Variants in NPNT observed in about 807,000 individuals in gnomAD.
NPNT encodes preosteoblast EGF-like repeat protein with MAM domain.
Under a neutral mutation model 68.6 loss-of-function variants are expected in NPNT, and 45 were observed. The observed-to-expected ratio is 0.66, with a 90% CI of 0.52 to 0.84. The LOEUF is 0.84. Among genes scored for constraint, NPNT ranks in the 40% least tolerant of loss-of-function variants. The pLI is 0.00. For missense variants in NPNT, 672 were observed against 714.8 expected (o/e 0.94, Z 0.68); for synonymous variants, 233 against 253.3 (o/e 0.92, Z 0.76).
intron 8 of NPNT, among the ~76,000 whole-genome samples, chr4:105,947,764 A>G (rs1190948180): frequency 1.3e-5 from 2 of 152,136 alleles, no homozygotes; most frequent in East Asian, 1.9e-4. Context: ...TCCTTTGAAC[A>G]TTCTTTATTT....
intron 3 of NPNT, among the ~76,000 whole-genome samples, chr4:105,930,821 G>A (rs1288174100): frequency 6.6e-6 from 1 of 152,190 alleles, no homozygotes; most frequent in African/African-American, 2.4e-5. Flanking sequence ...AGCTGCCTGG[G>A]AAACAGCCAG....
chr4:105,920,805 G>T (rs6856422), intron 2 of NPNT, among the ~76,000 whole-genome samples: 87,568 of 151,854 alleles, frequency 0.58, 28,769 homozygotes, highest in African/African-American at 0.9. Context: ...GACTAGACAC[G>T]TTATTTATTT....
At chr4:105,940,823 C>T (rs1261883617) in intron 7 of NPNT, among the ~76,000 whole-genome samples, 187 bp downstream of exon 7, 1 of 152,132 alleles carries the variant, frequency 6.6e-6, no homozygotes, top group African/African-American at 2.4e-5. Context: ...ACTAAGGACT[C>T]AGTAATACAC....
rs958766978 is a variant in NPNT at position 105,937,064 on chromosome 4, T to C, written c.321T>C (p.Thr107=). Reference sequence around the variant, plus strand: ...CCTGTAAGCACAGGTGCATGAACACTTACGGCAGCTACAAGTGCTACTGTC... The same window carrying C: ...CCTGTAAGCACAGGTGCATGAACACCTACGGCAGCTACAAGTGCTACTGTC... ...PRPCKHRCMN[T]YGSYKCYCLN... The change falls in exon 4 of 12, where the codon ACT becomes ACC. Residue 107 remains threonine (T), a synonymous_variant. Coordinates refer to ENST00000379987, the MANE Select transcript of NPNT (RefSeq NM_001033047.3). 1 of 1,613,732 alleles carries C rather than the reference T, an allele frequency of 6.2e-7. No homozygotes were observed. Among genetic ancestry groups the C allele is most frequent in the Non-Finnish European group, 8.5e-7 (1 of 1,179,678 alleles).
intron 10 of NPNT, among the ~76,000 whole-genome samples, chr4:105,960,637 TCACA>T (rs1196976361): frequency 6.6e-6 from 1 of 152,188 alleles, no homozygotes; most frequent in South Asian, 2.1e-4. Context: ...ATTTAGTGCC[TCACA>T]CACAGTACTC....
intron 8 of NPNT, among the ~76,000 whole-genome samples, chr4:105,957,051 CAT>C (rs536551187): frequency 8.7e-4 from 132 of 152,290 alleles, no homozygotes; most frequent in African/African-American, 3.0e-3. Context: ...ATGACTGTTT[CAT>C]AGTGTTCTAC....
chr4:105,933,997 T>A (rs1729324722), intron 3 of NPNT, among the ~76,000 whole-genome samples: 1 of 152,126 alleles, frequency 6.6e-6, no homozygotes, highest in Non-Finnish European at 1.5e-5. Flanking sequence ...TATTTTCCTA[T>A]TTTATAGATT....
rs190917987 is a variant in NPNT, at chr4:105,912,520, A to C, written c.172+14519A>C. ...TGACCTCCATTCTAAGCTAAAGGACAGTTTATGTTTTTAATACTTAAGGAA... is the reference window on the plus strand; with the variant it reads ...TGACCTCCATTCTAAGCTAAAGGACCGTTTATGTTTTTAATACTTAAGGAA... On this transcript the variant is annotated intron_variant, in intron 2 of 11. Coordinates refer to ENST00000379987, the MANE Select transcript of NPNT (RefSeq NM_001033047.3). 4.1e-3 allele frequency: 2,586 copies of C among 627,388 alleles called. 11 individuals are homozygous for C. The highest frequency in any genetic ancestry group is 4.8e-3 in the Non-Finnish European group (2,290 of 477,666). The allele number at this position is 627,388 out of a possible 1,614,324, so 38.9% of individuals were successfully genotyped here.
intron 10 of NPNT, among the ~76,000 whole-genome samples, chr4:105,963,607 C>A (rs1029131446): frequency 2.0e-5 from 3 of 151,822 alleles, no homozygotes; most frequent in African/African-American, 7.3e-5. Flanking sequence ...AGCTGTGGCC[C>A]TGGGGACACA....
At chr4:105,918,050 T>G (rs906404525) in intron 2 of NPNT, among the ~76,000 whole-genome samples, 10 of 152,208 alleles carry the variant, frequency 6.6e-5, no homozygotes, top group African/African-American at 2.2e-4. Context: ...ACAGAAAGAC[T>G]GTTGTGCCAT....
At chr4:105,921,169 T>G (rs923227332) in intron 2 of NPNT, among the ~76,000 whole-genome samples, 1 of 152,210 alleles carries the variant, frequency 6.6e-6, no homozygotes, top group Non-Finnish European at 1.5e-5. Flanking sequence ...TTTATGTTTT[T>G]AATCATTATT....
chr4:105,964,123 T>C (rs182938518), intron 10 of NPNT, among the ~76,000 whole-genome samples: 17 of 152,242 alleles, frequency 1.1e-4, no homozygotes, highest in Admixed American at 1.1e-3. Context: ...CCACTAAACA[T>C]ATGTAAGGCA....
At chr4:105,940,716 G>A (rs777399109) in intron 7 of NPNT, 80 bp downstream of exon 7, 1 of 1,214,224 alleles carries the variant, frequency 8.2e-7, no homozygotes, top group Non-Finnish European at 1.2e-6. Context: ...GGGAAAATAA[G>A]GAATAAGATT....
intron 11 of NPNT, among the ~76,000 whole-genome samples, chr4:105,968,467 A>G (rs1360675915): frequency 2.0e-5 from 3 of 152,258 alleles, no homozygotes; most frequent in African/African-American, 7.2e-5. Flanking sequence ...TTCCATTTTC[A>G]GCAAGAAAGC....
chr4:105,967,095 GAA>G (rs371424664), intron 10 of NPNT, 91 bp from the exon 11 acceptor site: 206 of 1,035,060 alleles, frequency 2.0e-4, no homozygotes, highest in Middle Eastern at 3.4e-4. Context: ...ACAAAGAAAA[GAA>G]AAAAAAAAAA....
At chr4:105,900,073 T>A (rs528525566) in intron 2 of NPNT, among the ~76,000 whole-genome samples, 2 of 152,382 alleles carry the variant, frequency 1.3e-5, no homozygotes, top group African/African-American at 4.8e-5. Flanking sequence ...CAATCTAATA[T>A]GATTCCTTAT....
Position 105,970,142 on chromosome 4 carries a change from T to C in NPNT, c.*1152T>C. 2.2e-6 allele frequency: 1 copy of C among 462,460 alleles called. No individual in the cohort carries two copies. Among genetic ancestry groups the C allele is most frequent in the East Asian group, 3.7e-5 (1 of 26,998 alleles). 28.6% of individuals were successfully genotyped at this position (462,460 alleles called of 1,614,324 possible). A position where few individuals can be genotyped will look rare whatever the true frequency, so the allele number is the denominator to read the frequency against. On this transcript the variant is annotated 3_prime_UTR_variant, in exon 12 of 12. Coordinates refer to ENST00000379987, the MANE Select transcript of NPNT (RefSeq NM_001033047.3). Reference sequence around the variant, plus strand: ...CTTATGTTGCTCATGTTGTGCTGTGTCAGGATGGGATAGGAAGCAAGTCCC... The same window carrying C: ...CTTATGTTGCTCATGTTGTGCTGTGCCAGGATGGGATAGGAAGCAAGTCCC...
At position 105,970,891 on chromosome 4, in the gene NPNT, C is replaced by T. The variant is rs139856254; in HGVS notation, c.*1901C>T. 1.2e-4 allele frequency: 35 copies of T among 302,348 alleles called. No individual in the cohort carries two copies. The East Asian group carries it at 2.7e-3, about 24-fold the overall frequency. 18.7% of individuals were successfully genotyped at this position (302,348 alleles called of 1,614,324 possible). ...GGAGAGGGATTGAAAGGGGAAGAGC[C>T]CACCAAATGCTGAGCTCACTGAAAT... On this transcript the variant is annotated 3_prime_UTR_variant, in exon 12 of 12. Coordinates refer to ENST00000379987, the MANE Select transcript of NPNT (RefSeq NM_001033047.3).
chr4:105,968,252 TA>T (rs1560548613), intron 11 of NPNT, among the ~76,000 whole-genome samples: 1 of 152,244 alleles, frequency 6.6e-6, no homozygotes, highest in East Asian at 1.9e-4. Context: ...AATTCTTACA[TA>T]TTTTTTCTTA....
Sources: allele counts gnomAD v4.1 joint callset (sites outside exome capture counted in the v4.1 genomes callset), GRCh38; gene constraint gnomAD v4.1.1; transcripts MANE v1.5; gene names NCBI Gene and HGNC (gene_info 2026-07-23, HGNC 2026-07-21).